The following NEU3 variants were observed in gnomAD, a reference collection of about 807,000 sequenced individuals.
NEU3 encodes neuraminidase 3, also known as sialidase-3.
NEU3 carries 10 observed loss-of-function variants against 11.4 expected under a neutral mutation model. The ratio of observed to expected loss-of-function variants is 0.88; its 90% CI spans 0.54 to 1.49. NEU3 has a LOEUF of 1.49. Ranked by LOEUF, NEU3 falls within the 40% of genes most tolerant of loss-of-function variation. NEU3 has a pLI of 0.00. For missense variants in NEU3, 529 were observed against 581.8 expected (o/e 0.91, Z 0.93); for synonymous variants, 212 against 228.2 (o/e 0.93, Z 0.64).
At chr11:74,994,301 A>T (rs958422731) in intron 1 of NEU3, among the ~76,000 whole-genome samples, 1 of 152,228 alleles carries the variant, frequency 6.6e-6, no homozygotes, top group Non-Finnish European at 1.5e-5. Context: ...CAGGGTCTGG[A>T]GTTAATGAAA....
At chr11:75,019,811 A>G (rs1372015838), downstream of NEU3, among the ~76,000 whole-genome samples, 1 of 152,352 alleles carries the variant, frequency 6.6e-6, no homozygotes, top group Non-Finnish European at 1.5e-5. Flanking sequence ...GCCCCCACAC[A>G]GAATCCCTAC....
rs763516757 is a variant in NEU3, at chr11:75,006,220, C to T, written c.1114C>T (p.Gln372Ter). The T allele has an allele frequency of 2.4e-5, 38 of 1,614,012 alleles. No homozygotes were observed. The highest frequency in any genetic ancestry group is 3.0e-5 in the Non-Finnish European group (35 of 1,179,888). Reference protein sequence around the residue: ...LLYSHPTSRKQRVDLGIYLNQ... With the variant: ...LLYSHPTSRK ...GTACTCACACCCAACCAGTAGGAAA[C>T]AGAGGGTTGACCTAGGTATCTATCT... Residue 372 changes from glutamine (Q) to a stop codon, truncating the protein, a stop_gained, in exon 3 of 3, where the codon CAG becomes TAG. Transcript: ENST00000294064. LOFTEE classifies it high-confidence loss of function.
At position 75,010,799 on chromosome 11, in the gene NEU3, T is replaced by C. The variant is rs1213740708; in HGVS notation, c.*4307T>C. Reference sequence around the variant, plus strand: ...GGAGATTCTGAGGCTTGATGTGTTCTGACTGTGTCTTGGCTTTGTGATGCT... The same window carrying C: ...GGAGATTCTGAGGCTTGATGTGTTCCGACTGTGTCTTGGCTTTGTGATGCT... On this transcript the variant is annotated 3_prime_UTR_variant, in exon 3 of 3. Coordinates refer to ENST00000294064, the MANE Select transcript of NEU3 (RefSeq NM_006656.6). The C allele has an allele frequency of 6.6e-6, 1 of 152,224 alleles. No homozygotes were observed. The highest frequency in any genetic ancestry group is 1.5e-5 in the Non-Finnish European group (1 of 68,048). The allele number at this position is 152,224 out of a possible 1,614,324, so 9.4% of individuals were successfully genotyped here. A position where few individuals can be genotyped will look rare whatever the true frequency, so the allele number is the denominator to read the frequency against.
In NEU3 at chr11:75,006,048, G is replaced by C. The variant is rs758542916; in HGVS notation, c.942G>C (p.Gly314=). Reference sequence around the variant, plus strand: ...GTGAGCCCCCACATGGTTGCCAAGGGAGTGTGGTAAGTTTCCGGCCCCTGG... The same window carrying C: ...GTGAGCCCCCACATGGTTGCCAAGGCAGTGTGGTAAGTTTCCGGCCCCTGG... ...QLCEPPHGCQ[G]SVVSFRPLEI... The change falls in exon 3 of 3, where the codon GGG becomes GGC. Residue 314 remains glycine, a synonymous_variant. Coordinates refer to ENST00000294064, the MANE Select transcript of NEU3 (RefSeq NM_006656.6). 2 of 1,613,986 alleles carry C rather than the reference G, an allele frequency of 1.2e-6. No homozygotes were observed. Among genetic ancestry groups the C allele is most frequent in the Non-Finnish European group, 1.7e-6 (2 of 1,179,896 alleles).
downstream of NEU3, among the ~76,000 whole-genome samples, chr11:75,019,957 G>A (rs940340130): frequency 2.0e-5 from 3 of 152,232 alleles, no homozygotes; most frequent in African/African-American, 4.8e-5. Flanking sequence ...AAGCAGCCAG[G>A]AGGGAGGCTG....
chr11:75,001,661 GTT>G (rs1948845398), intron 2 of NEU3, among the ~76,000 whole-genome samples: 1 of 152,166 alleles, frequency 6.6e-6, no homozygotes, highest in Non-Finnish European at 1.5e-5. Context: ...GCCTCAGCTT[GTT>G]TTATATGTCC....
intron 1 of NEU3, among the ~76,000 whole-genome samples, chr11:74,992,369 T>C (rs181019780): frequency 6.6e-6 from 1 of 152,368 alleles, no homozygotes; most frequent in Admixed American, 6.5e-5. Flanking sequence ...CCTCTGATCC[T>C]TCTCTGTCTT....
chr11:74,997,641 C>A (rs914898363), intron 2 of NEU3, among the ~76,000 whole-genome samples: 1 of 144,100 alleles, frequency 6.9e-6, no homozygotes, highest in Non-Finnish European at 1.5e-5. Context: ...GTCAGGAGTT[C>A]GAGACCAGCC....
chr11:74,989,845 A>T, intron 1 of NEU3: 1 of 636,792 alleles, frequency 1.6e-6, no homozygotes, highest in Non-Finnish European at 2.8e-6. Flanking sequence ...CCAGTAAGAA[A>T]GCGGGAAGGA....
chr11:75,005,212 G>A (rs1400003279), intron 2 of NEU3, among the ~76,000 whole-genome samples: 4 of 152,144 alleles, frequency 2.6e-5, no homozygotes, highest in African/African-American at 9.7e-5. Flanking sequence ...GAGACAGCTT[G>A]TACAACATTT....
At chr11:74,983,858 C>A, upstream of NEU3, among the ~76,000 whole-genome samples, 1 of 152,200 alleles carries the variant, frequency 6.6e-6, no homozygotes, top group East Asian at 1.9e-4. Flanking sequence ...AGGGTCAATA[C>A]AGAAACTTGA....
Position 75,009,190 on chromosome 11 carries a change from T to C in NEU3, c.*2698T>C, listed in dbSNP as rs1268296732. ...GATCAGAAGAAGAGTCCTGGCACCT[T>C]AGGAAGAGAAAGTGTCACAGACACG... On this transcript the variant is annotated 3_prime_UTR_variant, in exon 3 of 3. Coordinates refer to ENST00000294064, the MANE Select transcript of NEU3 (RefSeq NM_006656.6). The C allele has an allele frequency of 6.6e-6, 1 of 152,016 alleles. No individual in the cohort carries two copies. The highest frequency in any genetic ancestry group is 1.5e-5 in the Non-Finnish European group (1 of 68,042). The allele number at this position is 152,016 out of a possible 1,614,324, so 9.4% of individuals were successfully genotyped here. A position where few individuals can be genotyped will look rare whatever the true frequency, so the allele number is the denominator to read the frequency against.
the NEU3 span, among the ~76,000 whole-genome samples, chr11:74,981,453 T>G: frequency 2.0e-5 from 3 of 152,216 alleles, no homozygotes; most frequent in East Asian, 1.9e-4. Context: ...TGAGCAAATT[T>G]GCCTGTTGCT....
At chr11:75,015,200 AGACCC>A (rs1374342799), downstream of NEU3, among the ~76,000 whole-genome samples, 1 of 152,158 alleles carries the variant, frequency 6.6e-6, no homozygotes, top group East Asian at 1.9e-4. Context: ...ACCTTATAAA[AGACCC>A]GAAGAGGCTT....
At chr11:75,013,791 A>G (rs1256263139), downstream of NEU3, among the ~76,000 whole-genome samples, 1 of 152,244 alleles carries the variant, frequency 6.6e-6, no homozygotes, top group Non-Finnish European at 1.5e-5. Flanking sequence ...GTTTAGAGTT[A>G]GGAAAGCTGA....
chr11:75,019,905 G>A (rs111874851), downstream of NEU3, among the ~76,000 whole-genome samples: 5,552 of 152,258 alleles, frequency 0.036, 97 homozygotes, highest in African/African-American at 0.04. Context: ...AACTTGCACC[G>A]TGCACCTGGA....
At chr11:74,997,112 T>C (rs1169614930) in intron 2 of NEU3, among the ~76,000 whole-genome samples, 3 of 139,788 alleles carry the variant, frequency 2.1e-5, no homozygotes, top group African/African-American at 7.4e-5. Context: ...GACATTGACT[T>C]CTCTCTAGCC....
chr11:75,000,546 A>G (rs2140244764), intron 2 of NEU3, among the ~76,000 whole-genome samples: 1 of 152,074 alleles, frequency 6.6e-6, no homozygotes, highest in East Asian at 1.9e-4. Context: ...TCCATGTTGT[A>G]GCATGTATCA....
chr11:75,000,288 G>A (rs1033706844), intron 2 of NEU3, among the ~76,000 whole-genome samples: 1 of 152,036 alleles, frequency 6.6e-6, no homozygotes, highest in Non-Finnish European at 1.5e-5. Context: ...ATTTTTAAGT[G>A]TATAGTTCAG....
Sources: gnomAD v4.1 joint callset for allele counts (sites outside exome capture counted in the v4.1 genomes callset) on GRCh38, gnomAD v4.1.1 for gene constraint, MANE v1.5 for transcripts, NCBI Gene and HGNC (gene_info 2026-07-23, HGNC 2026-07-21) for gene names.